Variants in LUZP2 observed in about 807,000 individuals in gnomAD.
LUZP2 encodes leucine zipper protein 2.
Under a neutral mutation model 51.6 loss-of-function variants are expected in LUZP2, and 52 were observed. The observed-to-expected ratio is 1.01, with a 90% confidence interval of 0.81 to 1.27. The LOEUF is 1.27. Ranked by LOEUF, LUZP2 falls within the 50% of genes most tolerant of loss-of-function variation. The pLI is 0.00. For missense variants in LUZP2, 436 were observed against 395.4 expected, an observed-to-expected ratio of 1.10 and a Z score of -0.87; for synonymous variants, 154 against 137.3, an observed-to-expected ratio of 1.12 and a Z score of -0.85.
At chr11:24,762,509 T>A (rs2134031394) in intron 4 of LUZP2, among the ~76,000 whole-genome samples, 1 of 152,278 alleles carries the variant, frequency 6.6e-6, no homozygotes, top group East Asian at 1.9e-4. Context: ...ACAAGAAAAT[T>A]GAAAATTGGA....
Position 25,031,009 on chromosome 11 carries a change from ATATATATTTT to A in LUZP2, c.766-19027_766-19018del, listed in dbSNP as rs1565255355. 1.9e-3 allele frequency among the ~76,000 whole-genome samples: 6 copies of A among 3,138 alleles called. 1 individual carries two copies. Among genetic ancestry groups the A allele is most frequent in the Admixed American group, 7.6e-3 (1 of 132 alleles). The allele number at this position is 3,138 out of a possible 152,430, so 2.1% of individuals were successfully genotyped here. ...TACAATATATATTATATATATATATATATATATTTTTTTTTTTTTTTGAGACAGAGTCTCA... is the reference window on the plus strand; with the variant it reads ...TACAATATATATTATATATATATATATTTTTTTTTTTGAGACAGAGTCTCA... On this transcript the variant is annotated intron_variant, in intron 9 of 11. Transcript: ENST00000336930.
intron 9 of LUZP2, among the ~76,000 whole-genome samples, chr11:25,015,358 T>A (rs183972606): frequency 6.6e-6 from 1 of 152,312 alleles, no homozygotes; most frequent in Non-Finnish European, 1.5e-5. Context: ...AACAAAGAAG[T>A]TAGCATTTGT....
intron 4 of LUZP2, among the ~76,000 whole-genome samples, chr11:24,751,148 C>T (rs987233585): frequency 2.6e-5 from 4 of 152,060 alleles, no homozygotes; most frequent in Non-Finnish European, 4.4e-5. Flanking sequence ...GAAACTGATG[C>T]CATTGCTAAC....
chr11:25,046,176 C>T (rs919891227), intron 9 of LUZP2, among the ~76,000 whole-genome samples: 1 of 145,212 alleles, frequency 6.9e-6, no homozygotes, highest in Non-Finnish European at 1.5e-5. Context: ...AAATTAAATG[C>T]ACAAAACAAT....
intron 9 of LUZP2, among the ~76,000 whole-genome samples, chr11:25,036,904 G>T (rs1288930793): frequency 2.0e-5 from 3 of 152,042 alleles, no homozygotes; most frequent in African/African-American, 7.2e-5. Context: ...AATATGTTCT[G>T]TATTCACATG....
At chr11:24,505,520 T>C (rs1162109149) in intron 1 of LUZP2, among the ~76,000 whole-genome samples, 4 of 152,126 alleles carry the variant, frequency 2.6e-5, no homozygotes, top group African/African-American at 7.2e-5. Flanking sequence ...GAAATACAGC[T>C]CACTATATCG....
chr11:24,730,928 TGTGCCA>T (rs1472847235), intron 2 of LUZP2, among the ~76,000 whole-genome samples: 10 of 151,832 alleles, frequency 6.6e-5, no homozygotes, highest in Admixed American at 2.0e-4. Flanking sequence ...TTTTGTGACT[TGTGCCA>T]GGTCATAAGA....
At chr11:24,799,231 A>C (rs1239047102) in intron 5 of LUZP2, among the ~76,000 whole-genome samples, 2 of 152,212 alleles carry the variant, frequency 1.3e-5, no homozygotes, top group African/African-American at 4.8e-5. Context: ...CAGGTAGGAA[A>C]GTATTACCTT....
chr11:24,585,938 T>A (rs1157223244), intron 1 of LUZP2, among the ~76,000 whole-genome samples: 1 of 152,182 alleles, frequency 6.6e-6, no homozygotes, highest in East Asian at 1.9e-4. Context: ...GGCAGAGAAA[T>A]GAACCACAAG....
chr11:24,959,466 T>C (rs891991403), intron 7 of LUZP2, among the ~76,000 whole-genome samples: 6 of 152,188 alleles, frequency 3.9e-5, no homozygotes, highest in Non-Finnish European at 7.3e-5. Flanking sequence ...GAAGAGGTCC[T>C]TCACGTCCCT....
intron 5 of LUZP2, among the ~76,000 whole-genome samples, chr11:24,818,294 G>T (rs935385310): frequency 2.0e-5 from 3 of 152,076 alleles, no homozygotes; most frequent in African/African-American, 2.4e-5. Flanking sequence ...AAATAGAAAA[G>T]TTTTCTTTGC....
chr11:24,523,498 C>CAAA (rs61432027), intron 1 of LUZP2, among the ~76,000 whole-genome samples: 18,157 of 148,232 alleles, frequency 0.12, 1,131 homozygotes, highest in Middle Eastern at 0.17. Context: ...CTTTTTTTTA[C>CAAA]AAAAAAAAGA....
intron 5 of LUZP2, among the ~76,000 whole-genome samples, chr11:24,857,896 G>A (rs1314452954): frequency 2.0e-5 from 3 of 151,988 alleles, no homozygotes; most frequent in African/African-American, 7.2e-5. Flanking sequence ...TATCTTCATT[G>A]GGGTGCACCC....
intron 1 of LUZP2, among the ~76,000 whole-genome samples, chr11:24,591,939 C>T (rs961650967): frequency 5.3e-5 from 8 of 152,144 alleles, no homozygotes; most frequent in East Asian, 1.9e-4. Flanking sequence ...CAAATGCCAG[C>T]CAGGTTTTAT....
intron 5 of LUZP2, among the ~76,000 whole-genome samples, chr11:24,858,198 T>C (rs141154142): frequency 1.6e-4 from 25 of 152,260 alleles, no homozygotes; most frequent in Admixed American, 1.2e-3. Flanking sequence ...TTGAGCATAC[T>C]TTTAACAGCT....
At position 24,760,231 on chromosome 11, in the gene LUZP2, A is replaced by G. The variant is rs138967973; in HGVS notation, c.334-3015A>G. On this transcript the variant is annotated intron_variant, in intron 4 of 11. Transcript: ENST00000336930. ...AGACCAGGGTTTTTATTATGCAGAT[A>G]AAGCCTCCAGGTAGCAGGCTTCAGA... Among the ~76,000 whole-genome samples, 330 of 152,228 alleles carry G rather than the reference A, an allele frequency of 2.2e-3. 2 individuals are homozygous for G. Among genetic ancestry groups the G allele is most frequent in the African/African-American group, 7.4e-3 (307 of 41,540 alleles).
chr11:24,659,229 T>C (rs971160965), intron 1 of LUZP2, among the ~76,000 whole-genome samples: 22 of 152,212 alleles, frequency 1.4e-4, no homozygotes, highest in African/African-American at 5.3e-4. Flanking sequence ...CACCATGGAA[T>C]ACTATGCAGC....
At chr11:24,525,946 T>G (rs1334503646) in intron 1 of LUZP2, among the ~76,000 whole-genome samples, 1 of 151,392 alleles carries the variant, frequency 6.6e-6, no homozygotes, top group Non-Finnish European at 1.5e-5. Flanking sequence ...ATTTTGCTTT[T>G]GTGATACATC....
In LUZP2 at chr11:24,931,394, C is replaced by G. The variant is rs184177426; in HGVS notation, c.522+16856C>G. Among the ~76,000 whole-genome samples the G allele has an allele frequency of 1.9e-3, 289 of 152,130 alleles. 5 individuals are homozygous for G. The highest frequency in any genetic ancestry group is 6.6e-4 in the Non-Finnish European group (45 of 68,008). On this transcript the variant is annotated intron_variant, in intron 7 of 11. Transcript: ENST00000336930. ...TGAAGGGATGGGTTGCCCCTCCACACCTGTGGGCGTTTCTCGTTAGGTAGA... is the reference window on the plus strand; with the variant it reads ...TGAAGGGATGGGTTGCCCCTCCACAGCTGTGGGCGTTTCTCGTTAGGTAGA...
Sources: allele counts gnomAD v4.1 joint callset (sites outside exome capture counted in the v4.1 genomes callset), GRCh38; gene constraint gnomAD v4.1.1; transcripts MANE v1.5; gene names NCBI Gene and HGNC (gene_info 2026-07-23, HGNC 2026-07-21).